Variants in AP5B1 observed in about 807,000 individuals in gnomAD.
The protein encoded by AP5B1 is adaptor related protein complex 5 subunit beta 1.
A neutral mutation model predicts 5.7 loss-of-function variants in AP5B1; 3 were observed. The ratio of observed to expected loss-of-function variants is 0.53; its 90% CI spans 0.24 to 1.36. The LOEUF (loss-of-function observed/expected upper bound fraction) is 1.36, where lower values mean the gene tolerates loss of function less well. AP5B1 is among the 40% of genes most tolerant of loss of function. The pLI is 0.17. For synonymous variants in AP5B1, 696 were observed against 555.5 expected (o/e 1.25, Z -3.56); for missense variants, 1,310 against 1,143.2 (o/e 1.15, Z -2.10).
rs1409429514 is a variant in AP5B1, at chr11:65,779,834, C to T, written c.659G>A (p.Gly220Asp). The change falls in exon 2 of 2, where the codon GGT becomes GAT. Residue 220 changes from glycine to aspartate, a missense_variant. By Grantham distance (94) the Gly-to-Asp change is moderately conservative. Transcript: ENST00000532090. ...CACTAGTGTCCAATCCCAGGGACCA[C>T]CCCCAGTTGGGGAGACCTTATCCGT... ...LLTDKVSPTG[G>D]GPWDWTLVEE... is the part of the protein sequence containing the mutation. The T allele has an allele frequency of 1.9e-6, 3 of 1,590,270 alleles. No individual in the cohort carries two copies. The highest frequency in any genetic ancestry group is 1.7e-6 in the Non-Finnish European group (2 of 1,168,396).
In AP5B1 at chr11:65,780,348, T is replaced by C; in HGVS notation, c.151-6A>G. On this transcript the variant is annotated splice_region_variant and splice_polypyrimidine_tract_variant and intron_variant, in intron 1 of 1. Coordinates refer to ENST00000532090, the MANE Select transcript of AP5B1 (RefSeq NM_138368.5). ...CTCAGGGCCAGCAGGGAAACCTGGA[T>C]GGGGGATTAGGAGGGAATCACGAAG... is the stretch of plus-strand genomic sequence containing the variant. 1 of 1,466,368 alleles carries C rather than the reference T, an allele frequency of 6.8e-7. No individual in the cohort carries two copies. Among genetic ancestry groups the C allele is most frequent in the African/African-American group, 1.5e-5 (1 of 68,748 alleles). The allele number at this position is 1,466,368 out of a possible 1,614,324, so 90.8% of individuals were successfully genotyped here.
Position 65,779,890 on chromosome 11 carries a change from G to C in AP5B1, c.603C>G (p.Ser201=), listed in dbSNP as rs1857825185. ...GTCCCCCCAGGCCAGCCCCAACCCG[G>C]GACTGGAGCACCAAGGTGTTGCGCA... The part of the protein sequence containing the change: ...LALRNTLVLQ[S]RVGAGLGGLL... Residue 201 remains serine, a synonymous_variant, in exon 2 of 2, where the codon TCC becomes TCG. Coordinates refer to ENST00000532090, the MANE Select transcript of AP5B1 (RefSeq NM_138368.5). The C allele has an allele frequency of 1.9e-6, 3 of 1,594,264 alleles. No homozygotes were observed. Among genetic ancestry groups the C allele is most frequent in the Admixed American group, 1.7e-5 (1 of 57,482 alleles).
rs1857810083 is a variant in AP5B1, at chr11:65,779,233, G to A, written c.1260C>T (p.Cys420=). Residue 420 remains cysteine (C), a synonymous_variant, in exon 2 of 2, where the codon TGC becomes TGT. Coordinates refer to ENST00000532090, the MANE Select transcript of AP5B1 (RefSeq NM_138368.5). ...CTTCTTCCTCCTCGGCACAGAGCAG[G>A]CACAGTAAATGCAGGCGGGCCAGGA... ...MALLARLHLL[C]LLCAEEEEEE... 6.3e-7 allele frequency: 1 copy of A among 1,597,972 alleles called. No individual in the cohort carries two copies. Among genetic ancestry groups the A allele is most frequent in the Non-Finnish European group, 8.5e-7 (1 of 1,171,462 alleles).
rs1430712889 is a variant in AP5B1 at position 65,774,214 on chromosome 11, G to A, written c.*3642C>T. ...AGGTGGCATCTGTTCAGTCGGTGGG[G>A]TTTTAGGATTTTTAGTTTACATAAC... On this transcript the variant is annotated 3_prime_UTR_variant, in exon 2 of 2. Transcript: ENST00000532090. Among the ~76,000 whole-genome samples the A allele has an allele frequency of 1.3e-5, 2 of 152,198 alleles. No individual in the cohort carries two copies. The highest frequency in any genetic ancestry group is 4.8e-5 in the African/African-American group (2 of 41,438).
Position 65,778,471 on chromosome 11 carries a change from C to A in AP5B1, c.2022G>T (p.Lys674Asn), listed in dbSNP as rs867313847. The change falls in exon 2 of 2, where the codon AAG becomes AAT. Residue 674 changes from lysine to asparagine, a missense_variant. Coordinates refer to ENST00000532090, the MANE Select transcript of AP5B1 (RefSeq NM_138368.5). ...GGAGCTTCAACACTGGGAGTGGGCC[C>A]TTGACCCGATGGGACCCCAGGCTCA... ...VRLSLGSHRV[K>N]GPLPVLKLQP... 1 of 1,572,524 alleles carries A rather than the reference C, an allele frequency of 6.4e-7. No homozygotes were observed.
rs781250846 is a variant in AP5B1, at chr11:65,780,016, G to A, written c.477C>T (p.Ser159=). 2 of 1,559,444 alleles carry A rather than the reference G, an allele frequency of 1.3e-6. No homozygotes were observed. Among genetic ancestry groups the A allele is most frequent in the Non-Finnish European group, 1.7e-6 (2 of 1,152,186 alleles). The part of the protein sequence containing the change: ...TACECLRELE[S]CKPGLLGGSL... Reference sequence around the variant, plus strand: ...AGCCCCCCAGCAGCCCGGGCTTGCAGCTCTCTAGCTCTCGCAGGCACTCGC... The same window carrying A: ...AGCCCCCCAGCAGCCCGGGCTTGCAACTCTCTAGCTCTCGCAGGCACTCGC... The change falls in exon 2 of 2, where the codon AGC becomes AGT. Residue 159 remains serine, a synonymous_variant. Transcript: ENST00000532090.
rs752005195 is a variant in AP5B1, at chr11:65,780,313, G to A, written c.180C>T (p.Tyr60=). The change falls in exon 2 of 2, where the codon TAC becomes TAT. Residue 60 remains tyrosine, a synonymous_variant. Transcript: ENST00000532090. ...AGGCGTCGGGCCACAGCTGCGCAGG[G>A]TACTCCATGCTCAGGGCCAGCAGGG... is the stretch of plus-strand genomic sequence containing the variant. ...KVSLLALSME[Y]PAQLWPDASA... 10 of 1,490,022 alleles carry A rather than the reference G, an allele frequency of 6.7e-6. No homozygotes were observed. The Admixed American group carries it at 7.2e-5, about 11-fold the overall frequency. The allele number at this position is 1,490,022 out of a possible 1,614,324, so 92.3% of individuals were successfully genotyped here.
In AP5B1 at chr11:65,780,233, G is replaced by T; in HGVS notation, c.260C>A (p.Pro87Gln). Residue 87 changes from proline (P) to glutamine (Q), a missense_variant, in exon 2 of 2, where the codon CCG becomes CAG. Pro to Gln is a moderately conservative substitution (Grantham distance 76, BLOSUM62 -1). Coordinates refer to ENST00000532090, the MANE Select transcript of AP5B1 (RefSeq NM_138368.5). The part of the protein sequence containing the change: ...SLLDTLVLLP[P>Q]RPSALRRPLL... ...TGGCCGACGGAGAGCTGAGGGCCGCGGGGGTAGGAGGACCAAGGTGTCCAA... is the reference window on the plus strand; with the variant it reads ...TGGCCGACGGAGAGCTGAGGGCCGCTGGGGTAGGAGGACCAAGGTGTCCAA... 6.6e-7 allele frequency: 1 copy of T among 1,512,240 alleles called. No individual in the cohort carries two copies. 93.7% of individuals were successfully genotyped at this position (1,512,240 alleles called of 1,614,324 possible).
At position 65,775,167 on chromosome 11, in the gene AP5B1, A is replaced by C. The variant is rs550234872; in HGVS notation, c.*2689T>G. On this transcript the variant is annotated 3_prime_UTR_variant, in exon 2 of 2. Transcript: ENST00000532090. ...TTGTCCCATGGGTCCATAGGGGCAT[A>C]TAAGAATGGCCATTGCAGCAAAGTT... Among the ~76,000 whole-genome samples, 9 of 152,304 alleles carry C rather than the reference A, an allele frequency of 5.9e-5. No individual in the cohort carries two copies. The highest frequency in any genetic ancestry group is 5.2e-4 in the Admixed American group (8 of 15,296).
At position 65,774,781 on chromosome 11, in the gene AP5B1, G is replaced by A. The variant is rs1292994977; in HGVS notation, c.*3075C>T. 6.6e-6 allele frequency among the ~76,000 whole-genome samples: 1 copy of A among 152,224 alleles called. No individual in the cohort carries two copies. Among genetic ancestry groups the A allele is most frequent in the Non-Finnish European group, 1.5e-5 (1 of 68,042 alleles). On this transcript the variant is annotated 3_prime_UTR_variant, in exon 2 of 2. Transcript: ENST00000532090. Reference sequence around the variant, plus strand: ...ACCTGCCTTGAAGGAGGCAAGGAAGGGTATGTGAACATGAGCAACGTCCAC... The same window carrying A: ...ACCTGCCTTGAAGGAGGCAAGGAAGAGTATGTGAACATGAGCAACGTCCAC...
rs757106058 is a variant in AP5B1 at position 65,778,808 on chromosome 11, G to A, written c.1685C>T (p.Ala562Val). The A allele has an allele frequency of 1.2e-6, 2 of 1,611,556 alleles. No individual in the cohort carries two copies. The highest frequency in any genetic ancestry group is 1.7e-6 in the Non-Finnish European group (2 of 1,179,182). ...CCAGTTCGTGCAGTGGGCAGCCGCG[G>A]CCTGTAGAAAGTTGAGGGTAGCACT... Reference protein sequence around the residue: ...AQSATLNFLQAAAAHCTNWDL... With the variant: ...AQSATLNFLQVAAAHCTNWDL... Residue 562 changes from alanine (A) to valine (V), a missense_variant, in exon 2 of 2, where the codon GCC becomes GTC. Coordinates refer to ENST00000532090, the MANE Select transcript of AP5B1 (RefSeq NM_138368.5).
chr11:65,779,547 G>C lies in AP5B1; in HGVS notation c.946C>G (p.Leu316Val). The C allele has an allele frequency of 6.2e-7, 1 of 1,607,946 alleles. No homozygotes were observed. The highest frequency in any genetic ancestry group is 8.5e-7 in the Non-Finnish European group (1 of 1,178,556). Residue 316 changes from leucine (L) to valine (V), a missense_variant, in exon 2 of 2, where the codon CTA becomes GTA. By Grantham distance (32) the Leu-to-Val change is conservative. Coordinates refer to ENST00000532090, the MANE Select transcript of AP5B1 (RefSeq NM_138368.5). ...AACAGTGTCAGCTGTGCTGTGCCTA[G>C]CAGCCGTACCAGCTGCGGCTTGAAG... is the stretch of plus-strand genomic sequence containing the variant. ...ALFKPQLVRL[L>V]GTAQLTLLHA...
At position 65,778,711 on chromosome 11, in the gene AP5B1, G is replaced by T. The variant is rs764768812; in HGVS notation, c.1782C>A (p.Asp594Glu). 3.2e-6 allele frequency: 5 copies of T among 1,586,146 alleles called. No homozygotes were observed. In the African/African-American group the frequency reaches 4.0e-5, roughly 13 times the overall value. Residue 594 changes from aspartate to glutamate, a missense_variant, in exon 2 of 2, where the codon GAC becomes GAA. Transcript: ENST00000532090. ...GCTGCCTGGCCAGCACCTGCAGCAA[G>T]TCGACCAGGCCGCCCCTCACCCCTG... Reference protein sequence around the residue: ...LRAGVRGGLVDLLQVLARQLE... With the variant: ...LRAGVRGGLVELLQVLARQLE...
At position 65,779,906 on chromosome 11, in the gene AP5B1, G is replaced by T; in HGVS notation, c.587C>A (p.Thr196Asn). 6.3e-7 allele frequency: 1 copy of T among 1,593,540 alleles called. No homozygotes were observed. The stretch of plus-strand genomic sequence containing the variant: ...CCCAACCCGGGACTGGAGCACCAAG[G>T]TGTTGCGCAAAGCGAGGGCCAGCAA... ...SLLLALALRN[T>N]LVLQSRVGAG... The change falls in exon 2 of 2, where the codon ACC (threonine) becomes AAC (asparagine). Residue 196 changes from threonine (T) to asparagine (N), a missense_variant. Physicochemically the swap from Thr to Asn is moderately conservative, Grantham distance 65 (BLOSUM62 0). Coordinates refer to ENST00000532090, the MANE Select transcript of AP5B1 (RefSeq NM_138368.5).
In AP5B1 at chr11:65,780,132, G is replaced by T. The variant is rs1451050957; in HGVS notation, c.361C>A (p.Leu121Met). Residue 121 changes from leucine to methionine, a missense_variant, in exon 2 of 2, where the codon CTG becomes ATG. Leu to Met is a conservative substitution (Grantham distance 15). Coordinates refer to ENST00000532090, the MANE Select transcript of AP5B1 (RefSeq NM_138368.5). ...GPTSGASCRL[L>M]PLLLGLAAGS... ...GCGGCCAGGCCGAGCAGTAGGGGCA[G>T]GAGCCGGCAGGAGGCGCCCGAGGTG... 2.7e-6 allele frequency: 4 copies of T among 1,482,474 alleles called. No homozygotes were observed. In the South Asian group the frequency reaches 5.4e-5, roughly 20 times the overall value. 91.8% of individuals were successfully genotyped at this position (1,482,474 alleles called of 1,614,324 possible).
chr11:65,779,063 G>A lies in AP5B1; in HGVS notation c.1430C>T (p.Ala477Val). ...GGGGGTCAGCACCGTAGGTTGCCCAGCCAGGCAGCAGGCCACCAGATACGA... is the reference window on the plus strand; with the variant it reads ...GGGGGTCAGCACCGTAGGTTGCCCAACCAGGCAGCAGGCCACCAGATACGA... ...QASYLVACCL[A>V]GQPTVLTPLI... The change falls in exon 2 of 2, where the codon GCT becomes GTT. Residue 477 changes from alanine (A) to valine (V), a missense_variant. Physicochemically the swap from Ala to Val is moderately conservative, Grantham distance 64. Coordinates refer to ENST00000532090, the MANE Select transcript of AP5B1 (RefSeq NM_138368.5). The A allele has an allele frequency of 6.2e-7, 1 of 1,607,488 alleles. No individual in the cohort carries two copies. The highest frequency in any genetic ancestry group is 8.5e-7 in the Non-Finnish European group (1 of 1,177,202).
Position 65,779,977 on chromosome 11 carries a change from C to T in AP5B1, c.516G>A (p.Leu172=), listed in dbSNP as rs1456623755. 6.3e-7 allele frequency: 1 copy of T among 1,576,632 alleles called. No homozygotes were observed. The highest frequency in any genetic ancestry group is 2.3e-5 in the East Asian group (1 of 42,660). ...PGLLGGSLGL[L]RGLLGQEGPV... ...GGCCTTCCTGCCCCAGCAGGCCCCGCAGCAACCCCAGGGAGCCCCCCAGCA... is the reference window on the plus strand; with the variant it reads ...GGCCTTCCTGCCCCAGCAGGCCCCGTAGCAACCCCAGGGAGCCCCCCAGCA... The change falls in exon 2 of 2, where the codon CTG becomes CTA. Residue 172 remains leucine (L), a synonymous_variant. Transcript: ENST00000532090.
In AP5B1 at chr11:65,779,798, T is replaced by C. The variant is rs776596671; in HGVS notation, c.695A>G (p.Asp232Gly). 6.3e-7 allele frequency: 1 copy of C among 1,583,716 alleles called. No homozygotes were observed. Among genetic ancestry groups the C allele is most frequent in the Admixed American group, 1.8e-5 (1 of 55,890 alleles). ...GGGTGCCTGGGGCTGAAGGCGTCCA[T>C]CGCCCTCCTCCACTAGTGTCCAATC... Reference protein sequence around the residue: ...PWDWTLVEEGDGRLQPQAPSW... With the variant: ...PWDWTLVEEGGGRLQPQAPSW... The change falls in exon 2 of 2, where the codon GAT becomes GGT. Residue 232 changes from aspartate (D) to glycine (G), a missense_variant. Asp to Gly is a moderately conservative substitution (Grantham distance 94). Transcript: ENST00000532090.
Position 65,778,687 on chromosome 11 carries a change from C to T in AP5B1, c.1806G>A (p.Gln602=), listed in dbSNP as rs987495849. Reference sequence around the variant, plus strand: ...GGTCACGCCCATCAGGGTCCTCCAGCTGCCTGGCCAGCACCTGCAGCAAGT... The same window carrying T: ...GGTCACGCCCATCAGGGTCCTCCAGTTGCCTGGCCAGCACCTGCAGCAAGT... The part of the protein sequence containing the change: ...LVDLLQVLAR[Q]LEDPDGRDHA... The change falls in exon 2 of 2, where the codon CAG becomes CAA. Residue 602 remains glutamine, a synonymous_variant. Coordinates refer to ENST00000532090, the MANE Select transcript of AP5B1 (RefSeq NM_138368.5). 6.4e-7 allele frequency: 1 copy of T among 1,573,730 alleles called. No homozygotes were observed. The highest frequency in any genetic ancestry group is 1.3e-5 in the African/African-American group (1 of 74,340).
Sources: allele counts gnomAD v4.1 joint callset (sites outside exome capture counted in the v4.1 genomes callset), GRCh38; gene constraint gnomAD v4.1.1; transcripts MANE v1.5; gene names NCBI Gene and HGNC (gene_info 2026-07-23, HGNC 2026-07-21).